Variants in CSMD1 observed in about 807,000 individuals in gnomAD.
The protein encoded by CSMD1 is CUB and Sushi multiple domains 1.
CSMD1 carries 213 observed loss-of-function variants against 417.5 expected under a neutral mutation model. The observed-to-expected ratio is 0.51, with a 90% confidence interval of 0.46 to 0.57. The LOEUF (loss-of-function observed/expected upper bound fraction) is 0.57. Among genes scored for constraint, CSMD1 ranks in the 20% least tolerant of loss-of-function variants. CSMD1 has a pLI of 0.00. For synonymous variants in CSMD1, 2,862 were observed against 1,736.8 expected (o/e 1.65, Z -16.11); for missense variants, 6,923 against 4,529.7 (o/e 1.53, Z -15.17).
chr8:3,682,862 A>G (rs111966941), intron 7 of CSMD1, among the ~76,000 whole-genome samples: 5 of 152,310 alleles, frequency 3.3e-5, no homozygotes, highest in African/African-American at 1.2e-4. Context: ...CTATGTAGCC[A>G]TAAAAAATGA....
chr8:3,603,837 T>C (rs1282453823), intron 8 of CSMD1, among the ~76,000 whole-genome samples: 1 of 152,212 alleles, frequency 6.6e-6, no homozygotes, highest in African/African-American at 2.4e-5. Context: ...ATGATGTCCA[T>C]ACTTTCTACT....
intron 3 of CSMD1, among the ~76,000 whole-genome samples, chr8:4,268,478 G>C (rs186620110): frequency 6.6e-6 from 1 of 152,098 alleles, no homozygotes; most frequent in Non-Finnish European, 1.5e-5. Context: ...CGCTGCTTAC[G>C]TTTCTAAGTA....
At chr8:4,195,350 C>T (rs889993) in intron 3 of CSMD1, among the ~76,000 whole-genome samples, 5,746 of 152,204 alleles carry the variant, frequency 0.038, 379 homozygotes, top group African/African-American at 0.13. Flanking sequence ...GTTAACAAAT[C>T]ACCCTAACAA....
intron 1 of CSMD1, among the ~76,000 whole-genome samples, chr8:4,781,184 A>G (rs10503282): frequency 0.1 from 15,220 of 152,202 alleles, 962 homozygotes; most frequent in East Asian, 0.33. Context: ...TAGCAAATAC[A>G]TCTCCGCAAG....
intron 30 of CSMD1, among the ~76,000 whole-genome samples, chr8:3,210,763 G>A (rs1041646110): frequency 7.3e-5 from 11 of 149,764 alleles, no homozygotes; most frequent in African/African-American, 2.7e-4. Context: ...TTTTTCCTAT[G>A]GCTAATACTT....
chr8:3,390,868 G>A (rs768586573), intron 17 of CSMD1, among the ~76,000 whole-genome samples: 2 of 151,974 alleles, frequency 1.3e-5, no homozygotes, highest in South Asian at 4.2e-4. Flanking sequence ...TTCATATGCC[G>A]AGCTTAGAGA....
intron 49 of CSMD1, among the ~76,000 whole-genome samples, chr8:3,062,476 G>C (rs983902152): frequency 1.3e-5 from 2 of 151,694 alleles, no homozygotes; most frequent in African/African-American, 4.8e-5. Flanking sequence ...GTCTGAAAAT[G>C]AATGTCCATA....
At chr8:4,155,322 G>C (rs543024803) in intron 3 of CSMD1, among the ~76,000 whole-genome samples, 19 of 152,282 alleles carry the variant, frequency 1.2e-4, no homozygotes, top group South Asian at 4.1e-4. Flanking sequence ...TCTCGCATTA[G>C]AGTCTCACCT....
chr8:4,389,531 A>G (rs560632079), intron 3 of CSMD1, among the ~76,000 whole-genome samples: 1 of 152,304 alleles, frequency 6.6e-6, no homozygotes, highest in South Asian at 2.1e-4. Context: ...TCATATACTC[A>G]GCAGAAGACA....
chr8:3,151,361 A>G, intron 40 of CSMD1, 36 bp downstream of exon 40: 4 of 1,361,436 alleles, frequency 2.9e-6, no homozygotes, highest in Non-Finnish European at 4.2e-6. Flanking sequence ...AAATGAAAAA[A>G]ATGAACTTTT....
intron 3 of CSMD1, among the ~76,000 whole-genome samples, chr8:4,202,937 T>C (rs1359163975): frequency 6.6e-6 from 1 of 152,112 alleles, no homozygotes; most frequent in Admixed American, 6.6e-5. Flanking sequence ...ATGTTGGCCT[T>C]ATCTCTTTTT....
At chr8:4,459,274 C>A (rs1799666428) in intron 2 of CSMD1, among the ~76,000 whole-genome samples, 1 of 152,216 alleles carries the variant, frequency 6.6e-6, no homozygotes, top group African/African-American at 2.4e-5. Context: ...GCTGCAGTTC[C>A]TGTCACTTGT....
At chr8:4,596,489 T>G (rs1275121829) in intron 2 of CSMD1, among the ~76,000 whole-genome samples, 5 of 152,186 alleles carry the variant, frequency 3.3e-5, no homozygotes, top group South Asian at 2.1e-4. Context: ...ACTTAAAATT[T>G]TATGTATAAC....
chr8:4,713,420 G>C (rs931537089), intron 1 of CSMD1, among the ~76,000 whole-genome samples: 1 of 128,648 alleles, frequency 7.8e-6, no homozygotes, highest in African/African-American at 3.0e-5. Context: ...TTTTGTTTTT[G>C]AGACAGACTC....
chr8:3,488,821 T>C (rs543108551), intron 11 of CSMD1, among the ~76,000 whole-genome samples: 1 of 152,310 alleles, frequency 6.6e-6, no homozygotes, highest in African/African-American at 2.4e-5. Flanking sequence ...GCAGTGCCAT[T>C]ATGTGAAAGA....
chr8:3,428,056 T>C (rs1813970164), intron 12 of CSMD1, among the ~76,000 whole-genome samples: 1 of 152,360 alleles, frequency 6.6e-6, no homozygotes, highest in East Asian at 1.9e-4. Context: ...GCGTCTACCA[T>C]TACTTATATC....
At chr8:3,494,389 C>T (rs941354645) in intron 10 of CSMD1, among the ~76,000 whole-genome samples, 1 of 152,104 alleles carries the variant, frequency 6.6e-6, no homozygotes, top group Non-Finnish European at 1.5e-5. Context: ...AGAAGAAATG[C>T]TTCCTTTGGT....
At chr8:3,608,192 A>C (rs1398795903) in intron 8 of CSMD1, among the ~76,000 whole-genome samples, 1 of 148,632 alleles carries the variant, frequency 6.7e-6, no homozygotes, top group South Asian at 2.1e-4. Flanking sequence ...AAAAAAAAAA[A>C]GTAAAGGAAG....
At chr8:4,946,776 C>G (rs965234033) in intron 1 of CSMD1, among the ~76,000 whole-genome samples, 1 of 152,122 alleles carries the variant, frequency 6.6e-6, no homozygotes, top group South Asian at 2.1e-4. Flanking sequence ...ATGTTACTGG[C>G]TTCACTACAG....
Sources: gnomAD v4.1 joint callset for allele counts (sites outside exome capture counted in the v4.1 genomes callset) on GRCh38, gnomAD v4.1.1 for gene constraint, MANE v1.5 for transcripts, NCBI Gene and HGNC (gene_info 2026-07-23, HGNC 2026-07-21) for gene names.